CDC7: variants seen among roughly 807,000 people sequenced by gnomAD.
The protein encoded by CDC7 is cell division cycle 7-related protein kinase.
A neutral mutation model predicts 53.5 loss-of-function variants in CDC7; 34 were observed. The observed-to-expected ratio is 0.64, with a 90% CI of 0.48 to 0.85. The LOEUF (loss-of-function observed/expected upper bound fraction) is 0.85, where lower values mean the gene tolerates loss of function less well. Ranked by LOEUF, CDC7 falls within the 40% of genes least tolerant of loss-of-function variation. The pLI is 0.00. For missense variants in CDC7, 594 were observed against 679.7 expected (o/e 0.87, Z 1.40); for synonymous variants, 211 against 222.8 (o/e 0.95, Z 0.47).
At position 91,520,278 on chromosome 1, in the gene CDC7, T is replaced by C; in HGVS notation, c.1329T>C (p.Phe443=). Residue 443 remains phenylalanine (F), a splice_region_variant and synonymous_variant, in exon 11 of 12, where the codon TTT becomes TTC. Transcript: ENST00000234626. ...SRETIQAAKT[F]GKSILCSKEV... ...AAACTATCCAAGCTGCTAAAACTTT[T>C]GGTAAGCAGTTTTGTATTATAGAAC... 1 of 1,592,780 alleles carries C rather than the reference T, an allele frequency of 6.3e-7. No individual in the cohort carries two copies. Among genetic ancestry groups the C allele is most frequent in the Non-Finnish European group, 8.5e-7 (1 of 1,171,732 alleles).
rs778964691 is a variant in CDC7 at position 91,514,897 on chromosome 1, A to G, written c.997A>G (p.Met333Val). 7.4e-5 allele frequency: 120 copies of G among 1,613,574 alleles called. No homozygotes were observed. The highest frequency in any genetic ancestry group is 9.7e-5 in the Non-Finnish European group (114 of 1,179,666). Residue 333 changes from methionine (M) to valine (V), a missense_variant, in exon 9 of 12, where the codon ATG becomes GTG. Transcript: ENST00000234626. Reference protein sequence around the residue: ...TKKKAISTKVMNSAVMRKTAS... With the variant: ...TKKKAISTKVVNSAVMRKTAS... ...AAAGAAGGCTATTTCTACAAAAGTT[A>G]TGAATAGTGCTGTGATGAGGAAAAC... is the stretch of plus-strand genomic sequence containing the variant.
intron 2 of CDC7, among the ~76,000 whole-genome samples, chr1:91,504,151 C>CA (rs1006434855): frequency 6.1e-5 from 9 of 148,078 alleles, no homozygotes; most frequent in African/African-American, 2.3e-4. Flanking sequence ...ACACCACTGT[C>CA]ACTGGAGTGC....
chr1:91,525,616 T>C lies in CDC7; in HGVS notation c.*1181T>C, dbSNP rs900774954. The C allele has an allele frequency of 2.0e-5, 3 of 152,106 alleles. No individual in the cohort carries two copies. Among genetic ancestry groups the C allele is most frequent in the African/African-American group, 7.2e-5 (3 of 41,440 alleles). 9.4% of individuals were successfully genotyped at this position (152,106 alleles called of 1,614,324 possible). A position where few individuals can be genotyped will look rare whatever the true frequency, so the allele number is the denominator to read the frequency against. ...TGTATTCATTTTGTTATTTTGAGCA[T>C]TGATAGGTCAGTATATCTACCTAAT... On this transcript the variant is annotated 3_prime_UTR_variant, in exon 12 of 12. Transcript: ENST00000234626.
intron 2 of CDC7, among the ~76,000 whole-genome samples, chr1:91,503,842 G>A (rs1162992080): frequency 6.6e-6 from 1 of 151,720 alleles, no homozygotes; most frequent in African/African-American, 2.4e-5. Context: ...TTTTGTTTTT[G>A]TTTTTGAAAA....
chr1:91,507,705 G>C (rs1433243544), intron 2 of CDC7, 149 bp from the exon 3 acceptor site: 2 of 557,302 alleles, frequency 3.6e-6, no homozygotes, highest in African/African-American at 4.0e-5. Context: ...GCAACTTGAT[G>C]GGTTTTAATC....
chr1:91,521,336 G>A (rs1341968560), intron 11 of CDC7, among the ~76,000 whole-genome samples: 1 of 152,170 alleles, frequency 6.6e-6, no homozygotes, highest in African/African-American at 2.4e-5. Flanking sequence ...GGGTGTTTAA[G>A]AACCACTGCA....
At chr1:91,503,135 A>C (rs13447466) in intron 2 of CDC7, among the ~76,000 whole-genome samples, 1 of 152,192 alleles carries the variant, frequency 6.6e-6, no homozygotes, top group Admixed American at 6.5e-5. Context: ...TGGTTCTAGC[A>C]TCATGTTTAG....
chr1:91,516,001 C>A (rs1259575026), intron 10 of CDC7, 125 bp downstream of exon 10: 10 of 743,664 alleles, frequency 1.3e-5, no homozygotes, highest in Non-Finnish European at 2.2e-5. Context: ...GTAAGCAGTT[C>A]TTGCAGTGTG....
rs1571317506 is a variant in CDC7, at chr1:91,507,911, T to A, written c.173T>A (p.Phe58Tyr). The change falls in exon 3 of 12, where the codon TTT (phenylalanine) becomes TAT (tyrosine). Residue 58 changes from phenylalanine to tyrosine, a missense_variant. Coordinates refer to ENST00000234626, the MANE Select transcript of CDC7 (RefSeq NM_003503.4). ...YEAVPQLSNV[F>Y]KIEDKIGEGT... ...GCTGTACCACAGCTTAGTAATGTGT[T>A]TAAGATTGAGGACAAAATTGGAGAA... 6 of 1,554,838 alleles carry A rather than the reference T, an allele frequency of 3.9e-6. No individual in the cohort carries two copies. The East Asian group carries it at 1.4e-4, about 36-fold the overall frequency.
chr1:91,520,969 C>T (rs13447541), intron 11 of CDC7, among the ~76,000 whole-genome samples: 15 of 152,292 alleles, frequency 9.8e-5, no homozygotes, highest in Admixed American at 9.8e-4. Context: ...TTGCTCTGGC[C>T]AACAATCTGA....
At chr1:91,515,101 A>T in intron 9 of CDC7, 104 bp downstream of exon 9, 1 of 814,866 alleles carries the variant, frequency 1.2e-6, no homozygotes, top group Non-Finnish European at 1.9e-6. Flanking sequence ...AGTTCAGATC[A>T]GTGAACTGCA....
At chr1:91,522,991 T>A (rs1191598975) in intron 11 of CDC7, among the ~76,000 whole-genome samples, 1 of 152,232 alleles carries the variant, frequency 6.6e-6, no homozygotes, top group South Asian at 2.1e-4. Flanking sequence ...AATAAGGAAA[T>A]GTAAGGCAAA....
intron 1 of CDC7, 126 bp downstream of exon 1, chr1:91,501,074 T>G (rs1666635879): frequency 1.3e-5 from 2 of 152,200 alleles, no homozygotes; most frequent in Non-Finnish European, 2.9e-5. Context: ...CCCTCCGACC[T>G]GCGGCGGGAA....
chr1:91,505,063 A>G (rs963051873), intron 2 of CDC7, among the ~76,000 whole-genome samples: 7 of 152,192 alleles, frequency 4.6e-5, no homozygotes, highest in African/African-American at 1.7e-4. Context: ...TTTAGTGAGT[A>G]TGGTTGCTCA....
At position 91,514,814 on chromosome 1, in the gene CDC7, T is replaced by C. The variant is rs1358207656; in HGVS notation, c.919-5T>C. ...AAATAGAAAAATGAGACTTTTCTTT[T>C]ACAGCTCATGAAGCAGTCAAAGACT... On this transcript the variant is annotated splice_region_variant and splice_polypyrimidine_tract_variant and intron_variant, in intron 8 of 11. Coordinates refer to ENST00000234626, the MANE Select transcript of CDC7 (RefSeq NM_003503.4). The C allele has an allele frequency of 6.4e-7, 1 of 1,558,654 alleles. No individual in the cohort carries two copies. Among genetic ancestry groups the C allele is most frequent in the Non-Finnish European group, 8.7e-7 (1 of 1,154,170 alleles).
intron 6 of CDC7, 63 bp from the exon 7 acceptor site, chr1:91,512,995 A>C (rs1241915623): frequency 7.2e-7 from 1 of 1,397,218 alleles, no homozygotes; most frequent in African/African-American, 1.4e-5. Context: ...GTTTGAGAGT[A>C]TTACAATGTT....
At chr1:91,522,668 A>G (rs985978972) in intron 11 of CDC7, among the ~76,000 whole-genome samples, 3 of 152,236 alleles carry the variant, frequency 2.0e-5, no homozygotes, top group Non-Finnish European at 2.9e-5. Context: ...GAATAAAACT[A>G]TATGAATATT....
At chr1:91,511,476 A>C in intron 4 of CDC7, 121 bp from the exon 5 acceptor site, 2 of 610,336 alleles carry the variant, frequency 3.3e-6, no homozygotes, top group East Asian at 5.3e-5. Flanking sequence ...TGTGATGATG[A>C]TTTAAGTCAG....
At chr1:91,504,471 C>A (rs1666879177) in intron 2 of CDC7, among the ~76,000 whole-genome samples, 1 of 151,980 alleles carries the variant, frequency 6.6e-6, no homozygotes, top group South Asian at 2.1e-4. Context: ...TGAGAAAGAT[C>A]TGTTCAGTGA....
Sources: allele counts gnomAD v4.1 joint callset (sites outside exome capture counted in the v4.1 genomes callset), GRCh38; gene constraint gnomAD v4.1.1; transcripts MANE v1.5; gene names NCBI Gene and HGNC (gene_info 2026-07-23, HGNC 2026-07-21).